The following MSRA variants were observed in gnomAD, a reference collection of about 807,000 sequenced individuals.
The protein encoded by MSRA is mitochondrial peptide methionine sulfoxide reductase.
MSRA carries 54 observed loss-of-function variants against 31.3 expected under a neutral mutation model. That is an observed-to-expected ratio of 1.73 (90% CI 1.39 to 2.17). MSRA has a LOEUF of 2.17. Among genes scored for constraint, MSRA ranks in the 30% most tolerant of loss-of-function variants. MSRA has a pLI of 0.00. For synonymous variants in MSRA, 169 were observed against 116.5 expected, an observed-to-expected ratio of 1.45 and a Z score of -2.90; for missense variants, 507 against 300.9, an observed-to-expected ratio of 1.69 and a Z score of -5.07.
At chr8:10,227,015 G>A (rs991990150) in intron 2 of MSRA, among the ~76,000 whole-genome samples, 2 of 152,198 alleles carry the variant, frequency 1.3e-5, no homozygotes, top group Admixed American at 6.5e-5. Flanking sequence ...CACGAGCAGA[G>A]GTCATTCTGT....
chr8:10,305,500 G>A (rs1801085834), intron 4 of MSRA, among the ~76,000 whole-genome samples: 1 of 145,368 alleles, frequency 6.9e-6, no homozygotes, highest in African/African-American at 2.6e-5. Flanking sequence ...TGCATCCTCT[G>A]CTTCACAGGT....
chr8:10,134,097 G>T (rs867776520), intron 1 of MSRA, among the ~76,000 whole-genome samples: 1 of 152,136 alleles, frequency 6.6e-6, no homozygotes, highest in Non-Finnish European at 1.5e-5. Context: ...CTTCCAAAGT[G>T]CTGGGATTAC....
intron 3 of MSRA, among the ~76,000 whole-genome samples, chr8:10,261,105 A>G (rs1798455882): frequency 6.6e-6 from 1 of 152,176 alleles, no homozygotes. Context: ...TGCTAGATAT[A>G]TTTAGGTTGC....
At chr8:10,101,166 G>A (rs1799504872) in intron 1 of MSRA, among the ~76,000 whole-genome samples, 1 of 152,052 alleles carries the variant, frequency 6.6e-6, no homozygotes, top group South Asian at 2.1e-4. Flanking sequence ...TCAATTTTTT[G>A]GTTGTGGGAC....
At chr8:10,068,130 C>G (rs113382366) in intron 1 of MSRA, among the ~76,000 whole-genome samples, 1 of 152,142 alleles carries the variant, frequency 6.6e-6, no homozygotes, top group South Asian at 2.1e-4. Context: ...GCAGACTGCC[C>G]GCCTTGGTCT....
chr8:10,386,451 T>C (rs1359404119), intron 5 of MSRA, among the ~76,000 whole-genome samples: 1 of 152,186 alleles, frequency 6.6e-6, no homozygotes, highest in Non-Finnish European at 1.5e-5. Context: ...GGAGCATCAT[T>C]GACATCATAG....
At chr8:10,316,228 C>CT (rs66741514) in intron 4 of MSRA, among the ~76,000 whole-genome samples, 34,727 of 146,816 alleles carry the variant, frequency 0.24, 4,229 homozygotes, top group East Asian at 0.34. Flanking sequence ...TATATTCCAC[C>CT]TTTTTTTTTT....
At chr8:10,238,010 T>C (rs180729027) in intron 2 of MSRA, among the ~76,000 whole-genome samples, 1 of 152,342 alleles carries the variant, frequency 6.6e-6, no homozygotes, top group East Asian at 1.9e-4. Flanking sequence ...CCAATGTGGC[T>C]ACCCATTTTA....
intron 3 of MSRA, among the ~76,000 whole-genome samples, chr8:10,286,169 A>G (rs1176096450): frequency 6.6e-6 from 1 of 152,126 alleles, no homozygotes; most frequent in Non-Finnish European, 1.5e-5. Flanking sequence ...GTCATTTTCA[A>G]CATCTGAAGC....
chr8:10,123,626 C>A (rs1056072289), intron 1 of MSRA, among the ~76,000 whole-genome samples: 5 of 152,022 alleles, frequency 3.3e-5, no homozygotes, highest in African/African-American at 1.2e-4. Flanking sequence ...AGGTTGTCTT[C>A]CAGAGTTTTT....
chr8:10,386,791 G>T (rs1445067884), intron 5 of MSRA, among the ~76,000 whole-genome samples: 1 of 150,134 alleles, frequency 6.7e-6, no homozygotes. Flanking sequence ...TTTGGCTTTA[G>T]ATTGCTGAAC....
chr8:10,195,160 A>C (rs1179056784), intron 1 of MSRA, among the ~76,000 whole-genome samples: 1 of 152,232 alleles, frequency 6.6e-6, no homozygotes, highest in Non-Finnish European at 1.5e-5. Context: ...TCTTGTGATG[A>C]CTGTCTTTGT....
intron 5 of MSRA, among the ~76,000 whole-genome samples, chr8:10,369,449 C>G (rs1166117568): frequency 1.3e-5 from 2 of 152,156 alleles, no homozygotes; most frequent in African/African-American, 4.8e-5. Context: ...TTAGAGCAAA[C>G]AAAATGCCAT....
intron 1 of MSRA, among the ~76,000 whole-genome samples, chr8:10,190,455 G>A (rs1241520561): frequency 1.3e-5 from 2 of 152,182 alleles, no homozygotes; most frequent in African/African-American, 2.4e-5. Context: ...CTGACAATCT[G>A]CAATCCAGAG....
In MSRA at chr8:10,210,379, G is replaced by A. The variant is rs1197185560; in HGVS notation, c.211+2478G>A. Among the ~76,000 whole-genome samples the A allele has an allele frequency of 2.6e-5, 4 of 152,324 alleles. No homozygotes were observed. In the East Asian group the frequency reaches 7.7e-4, roughly 29 times the overall value. On this transcript the variant is annotated intron_variant, in intron 2 of 5. Coordinates refer to ENST00000317173, the MANE Select transcript of MSRA (RefSeq NM_012331.5). ...GCACTGGTTCAAGGAACCATGGGAA[G>A]GCCTTATAGATTCAGGGACACCTTT...
chr8:10,408,968 T>C (rs1807991457), intron 5 of MSRA, among the ~76,000 whole-genome samples: 1 of 152,254 alleles, frequency 6.6e-6, no homozygotes, highest in Non-Finnish European at 1.5e-5. Flanking sequence ...CGTTCATCTG[T>C]TGAAGGATGT....
intron 3 of MSRA, among the ~76,000 whole-genome samples, chr8:10,280,326 A>C (rs1799552552): frequency 6.6e-6 from 1 of 150,944 alleles, no homozygotes; most frequent in East Asian, 2.0e-4. Context: ...TTTTTAACTT[A>C]TTTTGTTGAT....
intron 4 of MSRA, among the ~76,000 whole-genome samples, chr8:10,314,225 A>T (rs1224519333): frequency 2.0e-5 from 3 of 152,192 alleles, no homozygotes; most frequent in Non-Finnish European, 4.4e-5. Context: ...AAAAAAGAAA[A>T]ATAAAAAATA....
chr8:10,182,470 T>G (rs1806630116), intron 1 of MSRA, among the ~76,000 whole-genome samples: 1 of 152,196 alleles, frequency 6.6e-6, no homozygotes, highest in South Asian at 2.1e-4. Flanking sequence ...AGATGTTAGA[T>G]AAGGTGGAGA....
Sources: allele counts gnomAD v4.1 joint callset (sites outside exome capture counted in the v4.1 genomes callset), GRCh38; gene constraint gnomAD v4.1.1; transcripts MANE v1.5; gene names NCBI Gene and HGNC (gene_info 2026-07-23, HGNC 2026-07-21).